Variants in SMPDL3B observed in about 807,000 individuals in gnomAD.
SMPDL3B encodes the protein acid sphingomyelinase-like phosphodiesterase 3b.
SMPDL3B carries 31 observed loss-of-function variants against 37.9 expected under a neutral mutation model. The ratio of observed to expected loss-of-function variants is 0.82; its 90% CI spans 0.61 to 1.10. The LOEUF is 1.10. Ranked by LOEUF, SMPDL3B falls within the 50% of genes least tolerant of loss-of-function variation. The probability of loss-of-function intolerance (pLI) is 0.00; values close to 1 mark genes in which losing one functional copy is unlikely to be tolerated. For missense variants in SMPDL3B, 525 were observed against 597.8 expected (o/e 0.88, Z 1.27); for synonymous variants, 235 against 242.6 (o/e 0.97, Z 0.29).
chr1:27,952,077 G>C (rs1557497746), intron 3 of SMPDL3B, among the ~76,000 whole-genome samples: 1 of 152,190 alleles, frequency 6.6e-6, no homozygotes, highest in South Asian at 2.1e-4. Flanking sequence ...CAAGACACCA[G>C]GTCGCACCCT....
chr1:27,953,171 G>A, intron 3 of SMPDL3B, 44 bp from the exon 4 acceptor site: 4 of 1,534,038 alleles, frequency 2.6e-6, no homozygotes, highest in Non-Finnish European at 3.6e-6. Context: ...ACTCCCCCGA[G>A]TGCTTTTGCA....
chr1:27,958,371 G>A lies in SMPDL3B; in HGVS notation c.1006-105G>A. On this transcript the variant is annotated intron_variant, in intron 7 of 7. Coordinates refer to ENST00000373894, the MANE Select transcript of SMPDL3B (RefSeq NM_014474.4). This position sits in a 1 kb window ranked among gnomAD's most constrained non-coding sequence, Gnocchi z 5.6. Reference sequence around the variant, plus strand: ...GCTAAGTGCTCAATAACTACTAGTGGTCATGGTCACTGCTCTAAAGAACTT... The same window carrying A: ...GCTAAGTGCTCAATAACTACTAGTGATCATGGTCACTGCTCTAAAGAACTT... 6.9e-7 allele frequency: 1 copy of A among 1,439,462 alleles called. No homozygotes were observed. Among genetic ancestry groups the A allele is most frequent in the South Asian group, 1.3e-5 (1 of 76,270 alleles). The allele number at this position is 1,439,462 out of a possible 1,614,324, so 89.2% of individuals were successfully genotyped here.
chr1:27,942,902 T>C (rs1405421908), intron 1 of SMPDL3B, among the ~76,000 whole-genome samples: 2 of 151,874 alleles, frequency 1.3e-5, no homozygotes, highest in Non-Finnish European at 1.5e-5. Context: ...CCTCAAGCAA[T>C]CTTCCTGCCT....
intron 1 of SMPDL3B, among the ~76,000 whole-genome samples, chr1:27,937,759 T>C (rs1270320976): frequency 6.6e-6 from 1 of 152,134 alleles, no homozygotes; most frequent in African/African-American, 2.4e-5. Context: ...AGCCAGGTGC[T>C]CTGTATAAGA....
chr1:27,946,643 G>A (rs917084018), intron 2 of SMPDL3B, among the ~76,000 whole-genome samples: 10 of 152,212 alleles, frequency 6.6e-5, no homozygotes, highest in Admixed American at 1.3e-4. Context: ...CATCCTGCAG[G>A]AGGTGGTGGA....
chr1:27,942,942 G>A (rs897483686), intron 1 of SMPDL3B, among the ~76,000 whole-genome samples: 1 of 150,824 alleles, frequency 6.6e-6, no homozygotes, highest in East Asian at 2.0e-4. Context: ...GATTACAGGT[G>A]TGAGCCACTG....
intron 2 of SMPDL3B, 196 bp from the exon 3 acceptor site, chr1:27,948,869 C>T: frequency 2.1e-6 from 2 of 939,638 alleles, no homozygotes; most frequent in Non-Finnish European, 3.3e-6. Context: ...AATCAAGGGA[C>T]CCACAGCAGG....
intron 4 of SMPDL3B, among the ~76,000 whole-genome samples, 199 bp downstream of exon 4, chr1:27,953,557 C>A (rs750261451): frequency 1.3e-5 from 2 of 152,222 alleles, no homozygotes; most frequent in Admixed American, 1.3e-4. Flanking sequence ...CTAAACCCCA[C>A]GACACTGATG....
chr1:27,936,025 T>C (rs1182725740), intron 1 of SMPDL3B, among the ~76,000 whole-genome samples: 1 of 152,176 alleles, frequency 6.6e-6, no homozygotes. Flanking sequence ...GAAGACTCTC[T>C]TGAGGACTCA....
intron 1 of SMPDL3B, chr1:27,942,484 C>T: frequency 2.6e-6 from 1 of 383,514 alleles, no homozygotes; most frequent in African/African-American, 2.1e-5. Context: ...TCACTGTATT[C>T]TTTTTAATTT....
chr1:27,938,330 C>T (rs2090326329), intron 1 of SMPDL3B, among the ~76,000 whole-genome samples: 1 of 152,172 alleles, frequency 6.6e-6, no homozygotes, highest in Non-Finnish European at 1.5e-5. Context: ...TCTGAAAATC[C>T]CTTGCTTAAG....
chr1:27,957,435 C>T (rs1557501647), intron 7 of SMPDL3B, among the ~76,000 whole-genome samples: 8 of 152,136 alleles, frequency 5.3e-5, no homozygotes, highest in East Asian at 1.9e-4. Flanking sequence ...GATCAGGCTT[C>T]GGAGGGTCAG....
intron 1 of SMPDL3B, among the ~76,000 whole-genome samples, chr1:27,941,172 G>A (rs4259686): frequency 0.46 from 69,642 of 152,084 alleles, 16,096 homozygotes; most frequent in South Asian, 0.65. Flanking sequence ...CTTATGGAAA[G>A]CATGTATTTA....
chr1:27,950,817 A>G (rs2090450132), intron 3 of SMPDL3B, among the ~76,000 whole-genome samples: 1 of 152,110 alleles, frequency 6.6e-6, no homozygotes, highest in Admixed American at 6.5e-5. Flanking sequence ...TTTGGTAGAG[A>G]TGGCATTTCA....
chr1:27,944,551 C>T (rs1009990034), intron 1 of SMPDL3B, among the ~76,000 whole-genome samples: 6 of 151,634 alleles, frequency 4.0e-5, no homozygotes, highest in South Asian at 2.1e-4. Flanking sequence ...AGATGAGGTC[C>T]GCCTATGTAG....
At chr1:27,947,279 G>A (rs1031000228) in intron 2 of SMPDL3B, among the ~76,000 whole-genome samples, 1 of 151,928 alleles carries the variant, frequency 6.6e-6, no homozygotes, top group Non-Finnish European at 1.5e-5. Flanking sequence ...CAGGTGATCT[G>A]CCCGCCTCAG....
chr1:27,950,610 C>T (rs1263304052), intron 3 of SMPDL3B, among the ~76,000 whole-genome samples: 9 of 152,124 alleles, frequency 5.9e-5, no homozygotes, highest in East Asian at 1.9e-4. Context: ...CACGCCACCA[C>T]GCCCTACTAA....
intron 1 of SMPDL3B, among the ~76,000 whole-genome samples, chr1:27,938,553 G>T (rs747988634): frequency 6.6e-6 from 1 of 152,186 alleles, no homozygotes; most frequent in Non-Finnish European, 1.5e-5. Flanking sequence ...AAATGTGATG[G>T]CCTTAAGTGA....
At chr1:27,953,892 G>C (rs1047553261) in intron 4 of SMPDL3B, among the ~76,000 whole-genome samples, 9 of 152,196 alleles carry the variant, frequency 5.9e-5, no homozygotes, top group Non-Finnish European at 1.2e-4. Flanking sequence ...AACACAGCCA[G>C]CCCAAGGTGA....
Sources: allele counts gnomAD v4.1 joint callset (sites outside exome capture counted in the v4.1 genomes callset), GRCh38; gene constraint gnomAD v4.1.1; non-coding constraint Gnocchi (gnomAD v3.1); transcripts MANE v1.5; gene names NCBI Gene and HGNC (gene_info 2026-07-23, HGNC 2026-07-21).